The following SRGAP3 variants were observed in gnomAD, a reference collection of about 807,000 sequenced individuals.
SRGAP3 encodes SLIT-ROBO Rho GTPase-activating protein 3.
Under a neutral mutation model 121.1 loss-of-function variants are expected in SRGAP3, and 39 were observed. That is an observed-to-expected ratio of 0.32 (90% CI 0.25 to 0.42). The LOEUF (loss-of-function observed/expected upper bound fraction) is 0.42, where lower values mean the gene tolerates loss of function less well. SRGAP3 is among the 10% of genes least tolerant of loss of function. The pLI, the probability that SRGAP3 is intolerant of heterozygous loss-of-function variation, is 1.00. For synonymous variants in SRGAP3, 601 were observed against 570.0 expected (o/e 1.05, Z -0.77); for missense variants, 1,213 against 1,470.6 (o/e 0.82, Z 2.86).
chr3:9,053,641 G>T (rs1238988143), intron 8 of SRGAP3, among the ~76,000 whole-genome samples: 1 of 152,240 alleles, frequency 6.6e-6, no homozygotes, highest in African/African-American at 2.4e-5. Flanking sequence ...GAGAAGGATA[G>T]AGACAAAGTT....
intron 3 of SRGAP3, chr3:9,293,049 G>GAAA: frequency 6.9e-6 from 1 of 143,936 alleles, no homozygotes; most frequent in Non-Finnish European, 1.5e-5. Flanking sequence ...AAAAGAAAAT[G>GAAA]AAAAAAAAAA....
At chr3:9,151,504 C>T (rs751261683) in intron 1 of SRGAP3, among the ~76,000 whole-genome samples, 2 of 152,162 alleles carry the variant, frequency 1.3e-5, no homozygotes, top group Non-Finnish European at 2.9e-5. Context: ...GAATATTAAT[C>T]TGGCCGACTA....
chr3:9,257,080 A>T (rs1954146226), intron 3 of SRGAP3: 1 of 382,192 alleles, frequency 2.6e-6, no homozygotes, highest in Admixed American at 4.5e-5. Flanking sequence ...CAGAACCTAA[A>T]TGGGAAAGAA....
chr3:9,320,322 C>T (rs1026134016), intron 3 of SRGAP3, among the ~76,000 whole-genome samples: 1 of 151,924 alleles, frequency 6.6e-6, no homozygotes, highest in Non-Finnish European at 1.5e-5. Context: ...ATCTCAATGT[C>T]AAACTGCAGT....
chr3:9,355,555 T>G (rs2030450074), intron 1 of SRGAP3, among the ~76,000 whole-genome samples: 1 of 152,214 alleles, frequency 6.6e-6, no homozygotes. Context: ...CCTGGCTATC[T>G]AAATAGCTTG....
At chr3:9,135,161 G>A (rs1462957321) in intron 1 of SRGAP3, among the ~76,000 whole-genome samples, 3 of 152,214 alleles carry the variant, frequency 2.0e-5, no homozygotes, top group Non-Finnish European at 4.4e-5. Context: ...ATCCTGGACA[G>A]TGCAGAATAT....
chr3:9,322,296 A>G (rs17050232), intron 3 of SRGAP3, among the ~76,000 whole-genome samples: 12,048 of 151,848 alleles, frequency 0.079, 721 homozygotes, highest in East Asian at 0.28. Flanking sequence ...AGATGGATTT[A>G]AGGTGGATTG....
chr3:9,118,554 G>A (rs867912335), intron 2 of SRGAP3, among the ~76,000 whole-genome samples: 9 of 152,168 alleles, frequency 5.9e-5, no homozygotes, highest in Admixed American at 2.6e-4. Flanking sequence ...ATTTGACGCT[G>A]GTGAAGAGGA....
intron 1 of SRGAP3, among the ~76,000 whole-genome samples, chr3:9,330,967 G>A (rs1405415553): frequency 6.6e-6 from 1 of 152,182 alleles, no homozygotes; most frequent in Non-Finnish European, 1.5e-5. Flanking sequence ...TCATCCAAAA[G>A]GACTCAAATA....
chr3:9,179,203 T>G (rs1454408404), intron 1 of SRGAP3, among the ~76,000 whole-genome samples: 1 of 152,194 alleles, frequency 6.6e-6, no homozygotes, highest in Non-Finnish European at 1.5e-5. Flanking sequence ...CGTATCCCCT[T>G]CCTACTGCCT....
At chr3:9,186,502 C>A in intron 1 of SRGAP3, among the ~76,000 whole-genome samples, 1 of 152,152 alleles carries the variant, frequency 6.6e-6, no homozygotes, top group East Asian at 1.9e-4. Context: ...GAAATACCTA[C>A]CACATGCTAA....
At chr3:9,197,735 T>G (rs1026458486) in intron 1 of SRGAP3, among the ~76,000 whole-genome samples, 1 of 152,238 alleles carries the variant, frequency 6.6e-6, no homozygotes, top group East Asian at 1.9e-4. Context: ...CCAAAGCATA[T>G]GCTTCAGAAT....
intron 3 of SRGAP3, among the ~76,000 whole-genome samples, chr3:9,093,623 C>T (rs1050905871): frequency 6.6e-6 from 1 of 152,116 alleles, no homozygotes; most frequent in African/African-American, 2.4e-5. Context: ...CCTTTCCTTC[C>T]TTCCCATTCC....
At chr3:8,993,403 G>A (rs1466954141) in intron 19 of SRGAP3, among the ~76,000 whole-genome samples, 1 of 152,202 alleles carries the variant, frequency 6.6e-6, no homozygotes, top group African/African-American at 2.4e-5. Flanking sequence ...GAGCACCGAG[G>A]GCTGAGTGCT....
chr3:9,128,094 G>A (rs1409114227), intron 1 of SRGAP3, among the ~76,000 whole-genome samples: 2 of 151,526 alleles, frequency 1.3e-5, no homozygotes, highest in African/African-American at 2.4e-5. Flanking sequence ...TCAGGCCCCA[G>A]CCCATACCAT....
At chr3:8,995,337 G>A (rs1183365305) in intron 18 of SRGAP3, among the ~76,000 whole-genome samples, 4 of 152,100 alleles carry the variant, frequency 2.6e-5, no homozygotes, top group Admixed American at 6.6e-5. Flanking sequence ...TTAGCTGGGC[G>A]TGGTAGCACG....
intron 1 of SRGAP3, among the ~76,000 whole-genome samples, chr3:9,234,621 G>T (rs1001861233): frequency 1.3e-5 from 2 of 152,204 alleles, no homozygotes; most frequent in Admixed American, 6.5e-5. Context: ...AGAAATCCAG[G>T]TCTTTCTATT....
chr3:9,195,360 A>G (rs1451769696), intron 1 of SRGAP3, among the ~76,000 whole-genome samples: 1 of 152,210 alleles, frequency 6.6e-6, no homozygotes, highest in African/African-American at 2.4e-5. Flanking sequence ...CGTAAGGGTC[A>G]GGTCCAACAC....
At chr3:9,030,536 C>T (rs191903661) in intron 12 of SRGAP3, among the ~76,000 whole-genome samples, 14 of 152,302 alleles carry the variant, frequency 9.2e-5, no homozygotes, top group Non-Finnish European at 1.8e-4. Context: ...GCAGCAATGC[C>T]AACACATTCA....
Sources: allele counts gnomAD v4.1 joint callset (sites outside exome capture counted in the v4.1 genomes callset), GRCh38; gene constraint gnomAD v4.1.1; transcripts MANE v1.5; gene names NCBI Gene and HGNC (gene_info 2026-07-23, HGNC 2026-07-21).